DTNB: variants seen among roughly 807,000 people sequenced by gnomAD.
DTNB encodes the protein DTN-B.
In DTNB, 63 loss-of-function variants were observed where a neutral mutation model predicts 90.7. That is an observed-to-expected ratio of 0.69 (90% CI 0.57 to 0.86). The LOEUF (loss-of-function observed/expected upper bound fraction) is 0.86. Among genes scored for constraint, DTNB ranks in the 40% least tolerant of loss-of-function variants. The pLI is 0.00. For synonymous variants in DTNB, 277 were observed against 286.7 expected (o/e 0.97, Z 0.34); for missense variants, 744 against 807.1 (o/e 0.92, Z 0.95).
rs191213257 is a variant in DTNB at position 25,455,116 on chromosome 2, C to T, written c.1169+289G>A. Among the ~76,000 whole-genome samples, 19 of 152,220 alleles carry T rather than the reference C, an allele frequency of 1.2e-4. 1 individual carries two copies. The highest frequency in any genetic ancestry group is 3.6e-4 in the African/African-American group (15 of 41,514). On this transcript the variant is annotated intron_variant, in intron 11 of 20. Transcript: ENST00000406818. ...GCATCAGATACCTCTGTGAGTACTG[C>T]GATCCCTCATAGGTTTATATATTTT...
rs139602608 is a variant in DTNB, at chr2:25,671,994, A to G, written c.-2+1392T>C. On this transcript the variant is annotated intron_variant, in intron 1 of 20. Transcript: ENST00000406818. ...GAAAAAGTGTTCTCTAGACAACACT[A>G]CCCTCTTCCTTCTCAAGTAATAGAA... Among the ~76,000 whole-genome samples the G allele has an allele frequency of 5.4e-4, 82 of 152,192 alleles. No individual in the cohort carries two copies. The East Asian group carries it at 0.016, about 29-fold the overall frequency.
chr2:25,465,177 C>A (rs1171790716), intron 10 of DTNB, among the ~76,000 whole-genome samples: 1 of 151,986 alleles, frequency 6.6e-6, no homozygotes, highest in East Asian at 1.9e-4. Flanking sequence ...GAGTTTGAGA[C>A]CATCCTGGCT....
intron 16 of DTNB, among the ~76,000 whole-genome samples, chr2:25,404,336 T>G (rs1476860306): frequency 6.6e-6 from 1 of 152,058 alleles, no homozygotes; most frequent in Non-Finnish European, 1.5e-5. Flanking sequence ...TGAGAGTATC[T>G]CGACGGGTAC....
At chr2:25,461,476 CA>C (rs1481021840) in intron 10 of DTNB, among the ~76,000 whole-genome samples, 1 of 152,138 alleles carries the variant, frequency 6.6e-6, no homozygotes, top group African/African-American at 2.4e-5. Flanking sequence ...CCCCAACTAA[CA>C]AACAAGGTTT....
intron 8 of DTNB, among the ~76,000 whole-genome samples, chr2:25,540,190 G>A (rs894586513): frequency 6.6e-6 from 1 of 152,162 alleles, no homozygotes; most frequent in Non-Finnish European, 1.5e-5. Context: ...AAAAAATCCT[G>A]TTGGGATTTT....
chr2:25,640,104 G>T (rs1489538010), intron 2 of DTNB, among the ~76,000 whole-genome samples: 1 of 152,308 alleles, frequency 6.6e-6, no homozygotes, highest in East Asian at 1.9e-4. Flanking sequence ...GACTGTTTGA[G>T]GGGTAAGCGA....
At chr2:25,640,140 A>T (rs2077939333) in intron 2 of DTNB, among the ~76,000 whole-genome samples, 1 of 152,240 alleles carries the variant, frequency 6.6e-6, no homozygotes, top group Non-Finnish European at 1.5e-5. Flanking sequence ...ACTAGAACAA[A>T]GCCTAAAATT....
chr2:25,454,638 A>G (rs928346822), intron 11 of DTNB, among the ~76,000 whole-genome samples: 2 of 152,198 alleles, frequency 1.3e-5, no homozygotes, highest in Non-Finnish European at 2.9e-5. Flanking sequence ...CCTACCTGAA[A>G]GTAATACCAC....
At chr2:25,666,724 T>C (rs1055424038) in intron 1 of DTNB, among the ~76,000 whole-genome samples, 1 of 152,166 alleles carries the variant, frequency 6.6e-6, no homozygotes. Context: ...TACACAAAGT[T>C]GCAAGCAGGA....
chr2:25,636,537 A>T (rs1184110908), intron 3 of DTNB, among the ~76,000 whole-genome samples: 2 of 152,158 alleles, frequency 1.3e-5, no homozygotes, highest in Non-Finnish European at 2.9e-5. Flanking sequence ...TGGTTTTCGA[A>T]CTTTTTGACC....
intron 4 of DTNB, among the ~76,000 whole-genome samples, chr2:25,620,563 T>C (rs2072272974): frequency 6.6e-6 from 1 of 152,210 alleles, no homozygotes; most frequent in South Asian, 2.1e-4. Context: ...GATTAGTTAA[T>C]GGTAAAACCC....
chr2:25,609,694 AC>A (rs2068054482), intron 4 of DTNB, among the ~76,000 whole-genome samples: 3 of 151,262 alleles, frequency 2.0e-5, no homozygotes, highest in African/African-American at 4.9e-5. Flanking sequence ...ACACACACAC[AC>A]ACACACACAC....
intron 9 of DTNB, among the ~76,000 whole-genome samples, chr2:25,495,123 C>T (rs902128386): frequency 1.3e-5 from 2 of 151,774 alleles, no homozygotes; most frequent in Non-Finnish European, 2.9e-5. Context: ...TGGAGTGCAG[C>T]GGTGCAATCT....
At chr2:25,378,641 G>A (rs2036590629) in intron 20 of DTNB, among the ~76,000 whole-genome samples, 2 of 152,236 alleles carry the variant, frequency 1.3e-5, no homozygotes, top group South Asian at 4.1e-4. Context: ...CTTGGTGCTG[G>A]GACTAGAAAG....
chr2:25,634,810 A>AT lies in DTNB; in HGVS notation c.148+4203dup, dbSNP rs1236396653. Among the ~76,000 whole-genome samples, 2 of 112,990 alleles carry AT rather than the reference A, an allele frequency of 1.8e-5. 1 individual carries two copies. The highest frequency in any genetic ancestry group is 4.1e-5 in the Non-Finnish European group (2 of 48,322). 74.1% of individuals were successfully genotyped at this position (112,990 alleles called of 152,430 possible). ...GCTGTGTCCACTCAGGGTTAAATGG[A>AT]TTAAGGGCGGTGCAAGATGTGCTTT... On this transcript the variant is annotated intron_variant, in intron 3 of 20. Transcript: ENST00000406818.
chr2:25,456,244 T>C (rs1367894892), intron 10 of DTNB, among the ~76,000 whole-genome samples: 3 of 152,222 alleles, frequency 2.0e-5, no homozygotes, highest in East Asian at 1.9e-4. Flanking sequence ...GTCAATGTTA[T>C]CTAATCGAAT....
chr2:25,507,600 TGTTATCCACCTC>T (rs2072793955), intron 9 of DTNB, among the ~76,000 whole-genome samples: 1 of 152,192 alleles, frequency 6.6e-6, no homozygotes, highest in Admixed American at 6.5e-5. Flanking sequence ...TTACCTCTAC[TGTTATCCACCTC>T]GTCCACCCAA....
intron 8 of DTNB, among the ~76,000 whole-genome samples, chr2:25,559,727 G>A (rs985939631): frequency 6.6e-6 from 1 of 152,184 alleles, no homozygotes; most frequent in South Asian, 2.1e-4. Flanking sequence ...ATTAACTTAA[G>A]AATCTAGATG....
chr2:25,535,068 G>A lies in DTNB; in HGVS notation c.877-3471C>T, dbSNP rs1233713289. Among the ~76,000 whole-genome samples the A allele has an allele frequency of 2.1e-4, 30 of 146,324 alleles. 1 individual carries two copies. The highest frequency in any genetic ancestry group is 6.1e-4 in the African/African-American group (24 of 39,218). ...GGGCAGAGGCGCTCCTCACCTCCCA[G>A]ACGGGGTGGCCGTGCAGAGGTGCTC... is the stretch of plus-strand genomic sequence containing the variant. On this transcript the variant is annotated intron_variant, in intron 8 of 20. Transcript: ENST00000406818.
Sources: allele counts gnomAD v4.1 joint callset (sites outside exome capture counted in the v4.1 genomes callset), GRCh38; gene constraint gnomAD v4.1.1; transcripts MANE v1.5; gene names NCBI Gene and HGNC (gene_info 2026-07-23, HGNC 2026-07-21).